The following SRBD1 variants were observed in gnomAD, a reference collection of about 807,000 sequenced individuals.
The protein encoded by SRBD1 is S1 RNA-binding domain-containing protein 1.
A neutral mutation model predicts 115.3 loss-of-function variants in SRBD1; 88 were observed. The observed-to-expected ratio is 0.76, with a 90% CI of 0.64 to 0.91. SRBD1 has a LOEUF of 0.91. SRBD1 is among the 40% of genes least tolerant of loss of function. SRBD1 has a pLI of 0.00. For missense variants in SRBD1, 1,385 were observed against 1,177.4 expected (o/e 1.18, Z -2.58); for synonymous variants, 509 against 407.7 (o/e 1.25, Z -2.99).
At chr2:45,454,010 C>T (rs1244750465) in intron 16 of SRBD1, among the ~76,000 whole-genome samples, 1 of 151,840 alleles carries the variant, frequency 6.6e-6, no homozygotes, top group Non-Finnish European at 1.5e-5. Context: ...CACAGTCTTT[C>T]GAAGCAGAGT....
At chr2:45,571,714 T>C (rs1191786012) in intron 9 of SRBD1, among the ~76,000 whole-genome samples, 1 of 151,452 alleles carries the variant, frequency 6.6e-6, no homozygotes, top group Non-Finnish European at 1.5e-5. Flanking sequence ...AAGAACAAAA[T>C]AGAAATTACG....
rs891355346 is a variant in SRBD1 at position 45,467,946 on chromosome 2, T to C, written c.2049+9047A>G. On this transcript the variant is annotated intron_variant, in intron 16 of 20. Transcript: ENST00000263736. ...GCTTTCCTGCATCTTGTTAAAAAAT[T>C]ATGAAATATTTAACAAAAGTTACAG... 6.6e-5 allele frequency among the ~76,000 whole-genome samples: 10 copies of C among 152,096 alleles called. No individual in the cohort carries two copies. The East Asian group carries it at 1.9e-3, about 29-fold the overall frequency.
At chr2:45,471,723 C>T (rs1017039789) in intron 16 of SRBD1, among the ~76,000 whole-genome samples, 5 of 151,918 alleles carry the variant, frequency 3.3e-5, no homozygotes, top group Non-Finnish European at 7.4e-5. Context: ...ATAATAACAC[C>T]CTCTAAAATT....
intron 16 of SRBD1, among the ~76,000 whole-genome samples, chr2:45,474,224 C>T (rs375015272): frequency 6.6e-6 from 1 of 152,136 alleles, no homozygotes; most frequent in African/African-American, 2.4e-5. Context: ...TTGTCTCACT[C>T]GCTATTACTT....
chr2:45,442,769 AC>A (rs1668709400), intron 16 of SRBD1, among the ~76,000 whole-genome samples: 1 of 152,226 alleles, frequency 6.6e-6, no homozygotes, highest in Non-Finnish European at 1.5e-5. Flanking sequence ...TGAATCAGCA[AC>A]TTATTTCCAT....
chr2:45,583,842 C>T (rs1438621225), intron 5 of SRBD1, among the ~76,000 whole-genome samples: 3 of 152,148 alleles, frequency 2.0e-5, no homozygotes, highest in Non-Finnish European at 2.9e-5. Context: ...ATTCACTCCT[C>T]TACTAATATT....
At chr2:45,577,739 C>T (rs1051668836) in intron 7 of SRBD1, among the ~76,000 whole-genome samples, 1 of 151,196 alleles carries the variant, frequency 6.6e-6, no homozygotes, top group Non-Finnish European at 1.5e-5. Context: ...TTTCGAAAAA[C>T]AAGTAAAATT....
At chr2:45,466,931 T>C (rs529759163) in intron 16 of SRBD1, among the ~76,000 whole-genome samples, 11 of 152,210 alleles carry the variant, frequency 7.2e-5, no homozygotes, top group Non-Finnish European at 1.6e-4. Flanking sequence ...GAGTGCTTCC[T>C]AGAAACACAG....
rs1558493156 is a variant in SRBD1, at chr2:45,581,689, T to C, written c.933+4A>G. Reference sequence around the variant, plus strand: ...TACATTAAAAGATAAAAAGGATTCCTTACCACGTGTTCTAGTTCTTCAAAA... The same window carrying C: ...TACATTAAAAGATAAAAAGGATTCCCTACCACGTGTTCTAGTTCTTCAAAA... On this transcript the variant is annotated splice_donor_region_variant and intron_variant, in intron 6 of 20. Coordinates refer to ENST00000263736, the MANE Select transcript of SRBD1 (RefSeq NM_018079.5). 4 of 1,608,602 alleles carry C rather than the reference T, an allele frequency of 2.5e-6. No individual in the cohort carries two copies. In the East Asian group the frequency reaches 8.9e-5, roughly 36 times the overall value.
chr2:45,515,942 C>T (rs1461866025), intron 14 of SRBD1, among the ~76,000 whole-genome samples: 1 of 152,158 alleles, frequency 6.6e-6, no homozygotes, highest in Non-Finnish European at 1.5e-5. Flanking sequence ...CACAGACACA[C>T]TCTAAAGGGA....
At chr2:45,397,919 T>G (rs1667192358) in intron 19 of SRBD1, among the ~76,000 whole-genome samples, 1 of 152,180 alleles carries the variant, frequency 6.6e-6, no homozygotes, top group Non-Finnish European at 1.5e-5. Flanking sequence ...TCTTACCTCC[T>G]TGTTAAACCA....
intron 4 of SRBD1, among the ~76,000 whole-genome samples, chr2:45,595,296 T>C (rs1453948395): frequency 1.3e-5 from 2 of 152,234 alleles, no homozygotes; most frequent in Admixed American, 6.5e-5. Flanking sequence ...CAAGTTATCA[T>C]TGTGGCCAAG....
chr2:45,498,350 G>A (rs1202886108), intron 14 of SRBD1, among the ~76,000 whole-genome samples: 2 of 151,906 alleles, frequency 1.3e-5, no homozygotes, highest in Admixed American at 1.3e-4. Context: ...GGTTTATCTT[G>A]TCATTCTCTT....
chr2:45,490,371 T>C (rs1002021407), intron 14 of SRBD1, among the ~76,000 whole-genome samples: 3 of 152,122 alleles, frequency 2.0e-5, no homozygotes, highest in African/African-American at 7.2e-5. Flanking sequence ...CTAGCATTCA[T>C]TGATTACTTA....
At chr2:45,605,121 C>CT (rs1558508838) in intron 2 of SRBD1, among the ~76,000 whole-genome samples, 1 of 152,124 alleles carries the variant, frequency 6.6e-6, no homozygotes, top group Non-Finnish European at 1.5e-5. Flanking sequence ...AGCTTATATT[C>CT]TAGTGTAAGT....
intron 19 of SRBD1, among the ~76,000 whole-genome samples, chr2:45,412,570 T>G (rs757570161): frequency 1.5e-4 from 23 of 152,152 alleles, no homozygotes; most frequent in Non-Finnish European, 3.1e-4. Flanking sequence ...TTGAACTAAT[T>G]AAAAAAATTT....
At chr2:45,486,112 T>C (rs1382106165) in intron 15 of SRBD1, among the ~76,000 whole-genome samples, 1 of 152,226 alleles carries the variant, frequency 6.6e-6, no homozygotes, top group African/African-American at 2.4e-5. Context: ...TCTATTTTCA[T>C]AGAATCTTGT....
intron 14 of SRBD1, among the ~76,000 whole-genome samples, chr2:45,541,472 C>T (rs1247328696): frequency 6.6e-6 from 1 of 152,200 alleles, no homozygotes; most frequent in Non-Finnish European, 1.5e-5. Flanking sequence ...GAGTTCTTGT[C>T]CCATGTCCAA....
At chr2:45,590,152 T>G (rs1572815071) in intron 4 of SRBD1, among the ~76,000 whole-genome samples, 1 of 152,262 alleles carries the variant, frequency 6.6e-6, no homozygotes, top group Non-Finnish European at 1.5e-5. Flanking sequence ...TATATAAAAC[T>G]GCCTTTGCAA....
Sources: gnomAD v4.1 joint callset for allele counts (sites outside exome capture counted in the v4.1 genomes callset) on GRCh38, gnomAD v4.1.1 for gene constraint, MANE v1.5 for transcripts, NCBI Gene and HGNC (gene_info 2026-07-23, HGNC 2026-07-21) for gene names.